EEFSEC: variants seen among roughly 807,000 people sequenced by gnomAD.
The protein encoded by EEFSEC is selenocysteine-specific elongation factor.
A neutral mutation model predicts 42.1 loss-of-function variants in EEFSEC; 43 were observed. The observed-to-expected ratio is 1.02, with a 90% CI of 0.80 to 1.32. EEFSEC has a LOEUF of 1.32. Among genes scored for constraint, EEFSEC ranks in the 40% most tolerant of loss-of-function variants. EEFSEC has a pLI of 0.00. For missense variants in EEFSEC, 745 were observed against 803.6 expected, an observed-to-expected ratio of 0.93 and a Z score of 0.88; for synonymous variants, 354 against 339.1, an observed-to-expected ratio of 1.04 and a Z score of -0.48.
At chr3:128,390,149 C>T (rs1410691030) in intron 6 of EEFSEC, among the ~76,000 whole-genome samples, 1 of 152,222 alleles carries the variant, frequency 6.6e-6, no homozygotes, top group African/African-American at 2.4e-5. Context: ...GGGACTGTTT[C>T]TCCTGGATAT....
chr3:128,293,536 C>G (rs918724053), intron 4 of EEFSEC, among the ~76,000 whole-genome samples: 2 of 151,914 alleles, frequency 1.3e-5, no homozygotes, highest in African/African-American at 4.8e-5. Flanking sequence ...TGGCATGTGC[C>G]TGTAGTCCCA....
chr3:128,231,774 A>C (rs1485097563), intron 1 of EEFSEC, among the ~76,000 whole-genome samples: 1 of 151,804 alleles, frequency 6.6e-6, no homozygotes, highest in Non-Finnish European at 1.5e-5. Flanking sequence ...GGCAAGTCTG[A>C]GTGTTTATTC....
intron 1 of EEFSEC, among the ~76,000 whole-genome samples, chr3:128,226,343 GAGA>G (rs2065907211): frequency 6.6e-6 from 1 of 152,218 alleles, no homozygotes; most frequent in African/African-American, 2.4e-5. Flanking sequence ...ATGTGCTCTT[GAGA>G]AGATTGGGAA....
At chr3:128,247,128 A>G (rs1166389711) in intron 2 of EEFSEC, 85 bp downstream of exon 2, 1 of 1,423,058 alleles carries the variant, frequency 7.0e-7, no homozygotes, top group Non-Finnish European at 9.8e-7. Context: ...TGAATTGGAC[A>G]GGCAGGTGTC....
intron 4 of EEFSEC, among the ~76,000 whole-genome samples, chr3:128,266,495 C>T (rs1264504217): frequency 2.0e-5 from 3 of 152,072 alleles, no homozygotes; most frequent in Non-Finnish European, 4.4e-5. Context: ...CATTTTACAG[C>T]AGTGTGTCTA....
At chr3:128,279,344 G>A (rs2066501307) in intron 4 of EEFSEC, among the ~76,000 whole-genome samples, 1 of 152,228 alleles carries the variant, frequency 6.6e-6, no homozygotes. Flanking sequence ...CACTGTAGAT[G>A]TCTAGCAGCA....
intron 6 of EEFSEC, among the ~76,000 whole-genome samples, chr3:128,389,958 C>T (rs980367019): frequency 2.0e-5 from 3 of 152,306 alleles, no homozygotes; most frequent in African/African-American, 4.8e-5. Context: ...GAGTTGGCAG[C>T]GCCCGTAAGA....
At chr3:128,182,260 A>G (rs1424119599) in intron 1 of EEFSEC, among the ~76,000 whole-genome samples, 1 of 151,592 alleles carries the variant, frequency 6.6e-6, no homozygotes, top group Non-Finnish European at 1.5e-5. Context: ...TTTTGGTTTT[A>G]GTTTTTTAAA....
intron 1 of EEFSEC, among the ~76,000 whole-genome samples, chr3:128,245,825 A>G (rs1413952858): frequency 6.6e-6 from 1 of 152,088 alleles, no homozygotes; most frequent in African/African-American, 2.4e-5. Context: ...GAGTGCCCGA[A>G]AAAAGAAAGG....
chr3:128,348,729 G>T (rs556294581), intron 5 of EEFSEC, among the ~76,000 whole-genome samples: 68 of 152,210 alleles, frequency 4.5e-4, no homozygotes, highest in Non-Finnish European at 7.5e-4. Flanking sequence ...GGTATGCAAA[G>T]ATCTGGCAAA....
intron 1 of EEFSEC, among the ~76,000 whole-genome samples, chr3:128,178,665 A>C (rs1222465445): frequency 6.6e-6 from 1 of 152,196 alleles, no homozygotes; most frequent in Non-Finnish European, 1.5e-5. Context: ...GAATCTTTAC[A>C]ATGAAACATT....
At chr3:128,407,774 G>T (rs1355663686) in intron 6 of EEFSEC, among the ~76,000 whole-genome samples, 1 of 152,184 alleles carries the variant, frequency 6.6e-6, no homozygotes, top group Admixed American at 6.5e-5. Context: ...TCCAGACGTG[G>T]ACTTGGCATG....
intron 6 of EEFSEC, among the ~76,000 whole-genome samples, chr3:128,370,061 G>T (rs1285034645): frequency 6.6e-6 from 1 of 152,204 alleles, no homozygotes; most frequent in African/African-American, 2.4e-5. Flanking sequence ...GTGAAAGGTG[G>T]CACCTGCGCT....
At chr3:128,308,376 C>T (rs1403966610) in intron 4 of EEFSEC, among the ~76,000 whole-genome samples, 2 of 152,214 alleles carry the variant, frequency 1.3e-5, no homozygotes, top group African/African-American at 4.8e-5. Context: ...TGGGAGAAGA[C>T]ATAGCTTTCC....
intron 1 of EEFSEC, among the ~76,000 whole-genome samples, chr3:128,176,413 C>G (rs567055862): frequency 6.6e-6 from 1 of 151,910 alleles, no homozygotes; most frequent in Non-Finnish European, 1.5e-5. Context: ...AAGACCCAAC[C>G]AGAAGACACA....
chr3:128,368,115 T>C (rs2067611666), intron 6 of EEFSEC, among the ~76,000 whole-genome samples: 1 of 152,192 alleles, frequency 6.6e-6, no homozygotes, highest in Non-Finnish European at 1.5e-5. Flanking sequence ...TCACAGCAGA[T>C]GGTGGTTGCA....
intron 1 of EEFSEC, among the ~76,000 whole-genome samples, chr3:128,176,409 CA>C (rs2065348552): frequency 6.6e-6 from 1 of 151,910 alleles, no homozygotes; most frequent in South Asian, 2.1e-4. Flanking sequence ...GGAAAAGACC[CA>C]ACCAGAAGAC....
chr3:128,420,249 C>T, the EEFSEC span, among the ~76,000 whole-genome samples: 5 of 152,328 alleles, frequency 3.3e-5, no homozygotes, highest in African/African-American at 1.2e-4. Context: ...AATTAAAGCC[C>T]ATAATTGATT....
At chr3:128,405,948 C>T (rs2068104381) in intron 6 of EEFSEC, among the ~76,000 whole-genome samples, 1 of 152,246 alleles carries the variant, frequency 6.6e-6, no homozygotes, top group Non-Finnish European at 1.5e-5. Context: ...GCCCTCAGTG[C>T]CTTCATACCC....
Sources: allele counts gnomAD v4.1 joint callset (sites outside exome capture counted in the v4.1 genomes callset), GRCh38; gene constraint gnomAD v4.1.1; transcripts MANE v1.5; gene names NCBI Gene and HGNC (gene_info 2026-07-23, HGNC 2026-07-21).